Variants in DAB1 observed in about 807,000 individuals in gnomAD.
The protein encoded by DAB1 is disabled homolog 1.
In DAB1, 15 loss-of-function variants were observed where a neutral mutation model predicts 64.6. The observed-to-expected ratio is 0.23, with a 90% confidence interval of 0.16 to 0.36. The LOEUF (loss-of-function observed/expected upper bound fraction) is 0.36, where lower values mean the gene tolerates loss of function less well. DAB1 is among the 10% of genes least tolerant of loss of function. The pLI, the probability that DAB1 is intolerant of heterozygous loss-of-function variation, is 1.00. For synonymous variants in DAB1, 235 were observed against 251.9 expected, an observed-to-expected ratio of 0.93 and a Z score of 0.64; for missense variants, 596 against 706.7, an observed-to-expected ratio of 0.84 and a Z score of 1.78.
chr1:58,329,202 C>G (rs2100493032), intron 4 of DAB1, among the ~76,000 whole-genome samples: 1 of 152,330 alleles, frequency 6.6e-6, no homozygotes, highest in African/African-American at 2.4e-5. Context: ...TATCTCAACA[C>G]TACTAATAAC....
intron 1 of DAB1, among the ~76,000 whole-genome samples, chr1:57,847,238 G>A (rs1273480706): frequency 6.7e-6 from 1 of 150,346 alleles, no homozygotes; most frequent in Admixed American, 6.6e-5. Flanking sequence ...TTCTACCCAG[G>A]ACTAGCTAAA....
At chr1:57,046,725 T>C (rs1648546165) in intron 9 of DAB1, among the ~76,000 whole-genome samples, 1 of 152,206 alleles carries the variant, frequency 6.6e-6, no homozygotes, top group Non-Finnish European at 1.5e-5. Context: ...TTTCTCACCA[T>C]GTAACAGATC....
chr1:57,188,026 T>C (rs1663760643), intron 2 of DAB1, among the ~76,000 whole-genome samples: 1 of 152,210 alleles, frequency 6.6e-6, no homozygotes, highest in Non-Finnish European at 1.5e-5. Context: ...GTAAAGTGCC[T>C]GGAACATAGG....
chr1:58,168,623 G>A (rs911757194), intron 4 of DAB1, among the ~76,000 whole-genome samples: 3 of 151,992 alleles, frequency 2.0e-5, no homozygotes, highest in East Asian at 1.9e-4. Flanking sequence ...CCCATCATAG[G>A]GGAGACTACC....
chr1:57,801,404 CTCT>C (rs1651117835), intron 6 of DAB1, among the ~76,000 whole-genome samples: 1 of 152,186 alleles, frequency 6.6e-6, no homozygotes, highest in African/African-American at 2.4e-5. Flanking sequence ...AACACAGAGC[CTCT>C]TCTTTTTCTC....
intron 7 of DAB1, among the ~76,000 whole-genome samples, chr1:57,534,705 C>T (rs1219439916): frequency 1.3e-5 from 2 of 152,162 alleles, no homozygotes; most frequent in Non-Finnish European, 2.9e-5. Context: ...CCACCAGTCT[C>T]TACGAGAAGG....
intron 4 of DAB1, among the ~76,000 whole-genome samples, chr1:58,307,201 A>G (rs1662327224): frequency 6.6e-6 from 1 of 152,220 alleles, no homozygotes; most frequent in South Asian, 2.1e-4. Context: ...ATTACTCACC[A>G]TAAGGCAATG....
At chr1:57,204,477 G>T (rs1272152692) in intron 2 of DAB1, among the ~76,000 whole-genome samples, 1 of 148,512 alleles carries the variant, frequency 6.7e-6, no homozygotes, top group African/African-American at 2.5e-5. Flanking sequence ...AAAAGGACTT[G>T]TATAGATAAA....
chr1:57,601,184 G>C (rs1396291660), intron 7 of DAB1, among the ~76,000 whole-genome samples: 1 of 152,026 alleles, frequency 6.6e-6, no homozygotes. Context: ...TATACTTCCC[G>C]AGAGAGTCAA....
At chr1:57,157,833 G>A (rs1006469697) in intron 2 of DAB1, among the ~76,000 whole-genome samples, 2 of 152,162 alleles carry the variant, frequency 1.3e-5, no homozygotes, top group Non-Finnish European at 2.9e-5. Flanking sequence ...TGAGAAATGA[G>A]CATGCCTGTC....
intron 7 of DAB1, among the ~76,000 whole-genome samples, chr1:57,510,517 T>G (rs577738734): frequency 1.3e-5 from 2 of 152,294 alleles, no homozygotes; most frequent in African/African-American, 4.8e-5. Context: ...CAAGTTTATA[T>G]TTCTTGCACA....
intron 2 of DAB1, among the ~76,000 whole-genome samples, chr1:57,224,537 C>T (rs995311506): frequency 6.6e-6 from 1 of 152,240 alleles, no homozygotes; most frequent in African/African-American, 2.4e-5. Context: ...CCCCATCCAA[C>T]AGCCAAGGCT....
intron 7 of DAB1, among the ~76,000 whole-genome samples, chr1:57,544,603 A>T (rs7516681): frequency 0.41 from 61,842 of 151,974 alleles, 14,574 homozygotes; most frequent in Non-Finnish European, 0.53. Context: ...TTCATGCCTG[A>T]TATGGTTTGG....
chr1:57,919,739 A>C (rs1211915221), intron 5 of DAB1, among the ~76,000 whole-genome samples: 1 of 152,238 alleles, frequency 6.6e-6, no homozygotes, highest in Non-Finnish European at 1.5e-5. Flanking sequence ...TGTGATAGCT[A>C]AGCTTAGGGT....
intron 6 of DAB1, among the ~76,000 whole-genome samples, chr1:57,760,583 C>A (rs1264572097): frequency 6.6e-6 from 1 of 150,498 alleles, no homozygotes; most frequent in Non-Finnish European, 1.5e-5. Context: ...ACATATAATT[C>A]TTTCTCTCTC....
At chr1:57,533,607 T>C (rs887966399) in intron 7 of DAB1, among the ~76,000 whole-genome samples, 1 of 150,296 alleles carries the variant, frequency 6.7e-6, no homozygotes, top group Non-Finnish European at 1.5e-5. Context: ...GGTTATGTGA[T>C]TGTTGTGGTT....
At chr1:57,162,084 A>C (rs915278002) in intron 2 of DAB1, among the ~76,000 whole-genome samples, 2 of 152,202 alleles carry the variant, frequency 1.3e-5, no homozygotes, top group Non-Finnish European at 2.9e-5. Context: ...ATTCTTACTA[A>C]AGGCAGTGAA....
intron 5 of DAB1, among the ~76,000 whole-genome samples, chr1:58,041,252 T>C (rs889358245): frequency 1.3e-5 from 2 of 152,220 alleles, no homozygotes; most frequent in Non-Finnish European, 2.9e-5. Context: ...TGTCAAATTA[T>C]TGCGCTATAT....
intron 3 of DAB1, among the ~76,000 whole-genome samples, chr1:58,471,984 G>A (rs1277099208): frequency 6.6e-6 from 1 of 152,208 alleles, no homozygotes; most frequent in African/African-American, 2.4e-5. Flanking sequence ...TATAGTGAGT[G>A]CAAAATTGGA....
Sources: allele counts gnomAD v4.1 joint callset (sites outside exome capture counted in the v4.1 genomes callset), GRCh38; gene constraint gnomAD v4.1.1; transcripts MANE v1.5; gene names NCBI Gene and HGNC (gene_info 2026-07-23, HGNC 2026-07-21).